CIMAP1D: variants seen among roughly 807,000 people sequenced by gnomAD.
CIMAP1D encodes the protein CIMAP1 family member D, also known as protein CIMAP1D.
the CIMAP1D span, among the ~76,000 whole-genome samples, chr19:467,140 A>G: frequency 1.6e-5 from 1 of 63,690 alleles, no homozygotes; most frequent in Non-Finnish European, 2.8e-5. Context: ...GGGTGGATAG[A>G]TGGATGGGTG....
the CIMAP1D span, chr19:463,461 G>A: frequency 5.5e-5 from 16 of 290,882 alleles, no homozygotes; most frequent in Admixed American, 2.0e-4. Flanking sequence ...GGCTGGGACC[G>A]GGGCTAACCC....
chr19:465,655 G>A, the CIMAP1D span, among the ~76,000 whole-genome samples: 1 of 144,800 alleles, frequency 6.9e-6, no homozygotes, highest in Non-Finnish European at 1.5e-5. Context: ...GTGGAGGGAT[G>A]AGTGGGTGGG....
chr19:484,190 C>G, the CIMAP1D span, among the ~76,000 whole-genome samples: 2 of 141,034 alleles, frequency 1.4e-5, no homozygotes, highest in South Asian at 2.2e-4. Context: ...CACCAGGCTG[C>G]AGTGCAATGG....
chr19:465,139 ATGGATGGGTGGGTGGG>A, the CIMAP1D span, among the ~76,000 whole-genome samples: 1 of 106,312 alleles, frequency 9.4e-6, no homozygotes, highest in Admixed American at 9.7e-5. Context: ...GAGTGGATGG[ATGGATGGGTGGGTGGG>A]TGGATGGCTG....
At chr19:472,670 G>A in the CIMAP1D span, 2 of 530,376 alleles carry the variant, frequency 3.8e-6, 1 homozygote, top group South Asian at 4.9e-5. Flanking sequence ...TGTGATGCCT[G>A]CATTGTGAGT....
chr19:484,145 T>C, the CIMAP1D span, among the ~76,000 whole-genome samples: 77 of 147,786 alleles, frequency 5.2e-4, no homozygotes, highest in East Asian at 1.8e-3. Context: ...TTTTCTTTTT[T>C]TTTTTTTTTT....
chr19:477,763 C>T, the CIMAP1D span, among the ~76,000 whole-genome samples: 1 of 152,182 alleles, frequency 6.6e-6, no homozygotes, highest in Non-Finnish European at 1.5e-5. Context: ...CCCGGGTTCA[C>T]GCCATTCTCC....
chr19:468,130 C>G, the CIMAP1D span, among the ~76,000 whole-genome samples: 1 of 152,082 alleles, frequency 6.6e-6, no homozygotes, highest in Non-Finnish European at 1.5e-5. Context: ...CTTTCAGAGG[C>G]CGAGGCAGGA....
chr19:474,555 A>G, the CIMAP1D span: 10 of 1,366,234 alleles, frequency 7.3e-6, no homozygotes, highest in Non-Finnish European at 9.6e-6. Context: ...AACATTCCAG[A>G]AGCCCCAGAA....
At chr19:478,030 C>T in the CIMAP1D span, among the ~76,000 whole-genome samples, 1 of 152,242 alleles carries the variant, frequency 6.6e-6, no homozygotes, top group African/African-American at 2.4e-5. Context: ...TCCTCGGTCA[C>T]GAGGGCCCCC....
the CIMAP1D span, among the ~76,000 whole-genome samples, chr19:465,468 T>C: frequency 9.2e-5 from 9 of 98,132 alleles, no homozygotes; most frequent in South Asian, 3.6e-4. Context: ...GGTGGATAGA[T>C]GGGTGGGTGG....
chr19:491,178 C>T, the CIMAP1D span, among the ~76,000 whole-genome samples: 1 of 151,676 alleles, frequency 6.6e-6, no homozygotes, highest in East Asian at 1.9e-4. Context: ...TCAGGAGGCT[C>T]AGGCGGGAGA....
chr19:463,834 C>G, the CIMAP1D span: 1 of 1,603,584 alleles, frequency 6.2e-7, no homozygotes, highest in Admixed American at 1.7e-5. Flanking sequence ...GTGTGGGAAA[C>G]AGGCCTGGCC....
chr19:463,513 G>C, the CIMAP1D span: 1 of 398,534 alleles, frequency 2.5e-6, no homozygotes, highest in Non-Finnish European at 4.5e-6. Context: ...GCTGGACGCC[G>C]AGTTCTGGGA....
the CIMAP1D span, among the ~76,000 whole-genome samples, chr19:467,030 A>G: frequency 3.3e-5 from 2 of 60,672 alleles, no homozygotes; most frequent in Non-Finnish European, 3.0e-5. Context: ...GGTTGGGTGG[A>G]GGGTGGAAGG....
the CIMAP1D span, among the ~76,000 whole-genome samples, chr19:491,095 C>CAAA: frequency 2.0e-4 from 23 of 115,044 alleles, no homozygotes; most frequent in East Asian, 7.2e-4. Context: ...GGCTTTGTCT[C>CAAA]AAAAAAAAAA....
the CIMAP1D span, among the ~76,000 whole-genome samples, chr19:481,244 GA>G: frequency 7.7e-4 from 109 of 142,336 alleles, no homozygotes; most frequent in African/African-American, 2.4e-3. Context: ...TGGGAAGGAT[GA>G]TGGGAAGGAT....
At chr19:473,654 G>C in the CIMAP1D span, among the ~76,000 whole-genome samples, 1 of 141,332 alleles carries the variant, frequency 7.1e-6, no homozygotes. Context: ...CACGGTCACA[G>C]ATGGGGAGAC....
the CIMAP1D span, among the ~76,000 whole-genome samples, chr19:465,787 G>A: frequency 2.7e-5 from 4 of 146,478 alleles, no homozygotes; most frequent in Admixed American, 2.7e-4. Context: ...GTGGATAGCT[G>A]GACAGATGGG....
Sources: gnomAD v4.1 joint callset for allele counts (sites outside exome capture counted in the v4.1 genomes callset) on GRCh38, gnomAD v4.1.1 for gene constraint, MANE v1.5 for transcripts, NCBI Gene and HGNC (gene_info 2026-07-23, HGNC 2026-07-21) for gene names.